UNC13C: variants seen among roughly 807,000 people sequenced by gnomAD.
The protein encoded by UNC13C is protein unc-13 homolog C.
UNC13C carries 174 observed loss-of-function variants against 245.4 expected under a neutral mutation model. The ratio of observed to expected loss-of-function variants is 0.71; its 90% CI spans 0.63 to 0.80. The LOEUF is 0.80. Ranked by LOEUF, UNC13C falls within the 30% of genes least tolerant of loss-of-function variation. The pLI, the probability that UNC13C is intolerant of heterozygous loss-of-function variation, is 0.00. For missense variants in UNC13C, 2,829 were observed against 2,602.9 expected (o/e 1.09, Z -1.89); for synonymous variants, 992 against 895.1 (o/e 1.11, Z -1.93).
chr15:54,318,265 G>T (rs1203989131), intron 13 of UNC13C, among the ~76,000 whole-genome samples: 1 of 151,846 alleles, frequency 6.6e-6, no homozygotes, highest in Non-Finnish European at 1.5e-5. Context: ...TGAATCATAT[G>T]ATTGTCCTAT....
intron 4 of UNC13C, among the ~76,000 whole-genome samples, chr15:54,198,856 A>G (rs1050111762): frequency 1.3e-5 from 2 of 152,148 alleles, no homozygotes; most frequent in Non-Finnish European, 2.9e-5. Context: ...ATCCAAATCA[A>G]GAAAAAAATC....
intron 17 of UNC13C, among the ~76,000 whole-genome samples, chr15:54,350,133 A>G (rs1304281043): frequency 6.6e-6 from 1 of 152,042 alleles, no homozygotes. Context: ...CTGGGACTAC[A>G]GGCGCCCGAC....
At chr15:54,526,832 A>T (rs534277199) in intron 25 of UNC13C, among the ~76,000 whole-genome samples, 4 of 152,090 alleles carry the variant, frequency 2.6e-5, no homozygotes, top group Admixed American at 6.5e-5. Context: ...TTTTAGAAAG[A>T]TCCACTATTA....
intron 2 of UNC13C, among the ~76,000 whole-genome samples, chr15:54,058,516 G>A (rs7175675): frequency 0.69 from 104,457 of 151,934 alleles, 36,260 homozygotes; most frequent in African/African-American, 0.77. Context: ...ACTCACAGCC[G>A]AATTCTACCA....
rs373443523 is a variant in UNC13C at position 54,519,396 on chromosome 15, CT to C, written c.5458-6144del. Among the ~76,000 whole-genome samples the C allele has an allele frequency of 7.1e-3, 1,073 of 151,590 alleles. 12 individuals carry two copies. Among genetic ancestry groups the C allele is most frequent in the African/African-American group, 0.025 (1,028 of 41,370 alleles). ...AGTGAATTATAAAAGGTAAGGCAAT[CT>C]TTTTTTTTCCTTCAGTTGTCTAGAC... On this transcript the variant is annotated intron_variant, in intron 24 of 32. Transcript: ENST00000260323.
At chr15:54,280,014 G>A (rs2036933983) in intron 10 of UNC13C, among the ~76,000 whole-genome samples, 1 of 152,078 alleles carries the variant, frequency 6.6e-6, no homozygotes, top group East Asian at 1.9e-4. Context: ...GCACATACGT[G>A]TTTCTGGATA....
At chr15:54,536,311 A>ATGAG (rs1895979367) in intron 26 of UNC13C, among the ~76,000 whole-genome samples, 2 of 152,052 alleles carry the variant, frequency 1.3e-5, no homozygotes, top group African/African-American at 2.4e-5. Flanking sequence ...CAGACCAATA[A>ATGAG]TGAGTTCTGA....
chr15:54,075,377 C>CG (rs1217410196), intron 2 of UNC13C, among the ~76,000 whole-genome samples: 1 of 151,570 alleles, frequency 6.6e-6, no homozygotes, highest in Non-Finnish European at 1.5e-5. Context: ...TCCAGCCACT[C>CG]GGGAGGCTGA....
At chr15:53,876,753 T>C in the UNC13C span, among the ~76,000 whole-genome samples, 14 of 152,216 alleles carry the variant, frequency 9.2e-5, no homozygotes, top group African/African-American at 3.1e-4. Flanking sequence ...ATTGTAGAAG[T>C]ATTTTATGGT....
the UNC13C span, among the ~76,000 whole-genome samples, chr15:53,926,571 A>G: frequency 1.3e-5 from 2 of 152,340 alleles, no homozygotes; most frequent in Non-Finnish European, 2.9e-5. Flanking sequence ...TATCAAAGAG[A>G]TAAGGATACA....
intron 2 of UNC13C, among the ~76,000 whole-genome samples, chr15:54,038,089 TATAC>T (rs1234026104): frequency 1.9e-5 from 2 of 105,674 alleles, no homozygotes; most frequent in Admixed American, 1.2e-4. Context: ...TGTGTGTGTA[TATAC>T]ATATACATAT....
chr15:53,897,611 C>G, the UNC13C span, among the ~76,000 whole-genome samples: 1 of 152,150 alleles, frequency 6.6e-6, no homozygotes, highest in Non-Finnish European at 1.5e-5. Context: ...TACATTACAA[C>G]TCAACTGAAT....
the UNC13C span, among the ~76,000 whole-genome samples, chr15:53,893,698 C>A: frequency 1.3e-5 from 2 of 151,818 alleles, no homozygotes; most frequent in East Asian, 3.9e-4. Flanking sequence ...ATGTCCCTCC[C>A]CCCACCAAGC....
At chr15:54,494,458 T>G (rs1893861620) in intron 19 of UNC13C, 150 bp from the exon 20 acceptor site, 2 of 651,360 alleles carry the variant, frequency 3.1e-6, no homozygotes, top group Admixed American at 8.2e-5. Context: ...TTTATAAAAT[T>G]TTAGGTCAGC....
At chr15:53,860,220 G>T in the UNC13C span, among the ~76,000 whole-genome samples, 1 of 151,748 alleles carries the variant, frequency 6.6e-6, no homozygotes. Context: ...AATTTATTGA[G>T]GTTAGATTCA....
At chr15:54,313,028 A>T (rs1386882683) in intron 13 of UNC13C, among the ~76,000 whole-genome samples, 3 of 151,692 alleles carry the variant, frequency 2.0e-5, no homozygotes, top group African/African-American at 7.3e-5. Flanking sequence ...GCTTAGAGGG[A>T]TTGAGTCAGG....
At chr15:53,940,565 ACT>A in the UNC13C span, among the ~76,000 whole-genome samples, 2 of 152,024 alleles carry the variant, frequency 1.3e-5, no homozygotes, top group Non-Finnish European at 1.5e-5. Context: ...TATCTAGAAA[ACT>A]CTACTGTCTC....
intron 2 of UNC13C, among the ~76,000 whole-genome samples, chr15:54,101,032 A>T (rs771531682): frequency 6.6e-6 from 1 of 152,178 alleles, no homozygotes; most frequent in African/African-American, 2.4e-5. Context: ...TCAATTTTTT[A>T]ATAATTTTTA....
rs79067995 is a variant in UNC13C, at chr15:54,255,751, G to A, written c.3448+5307G>A. Among the ~76,000 whole-genome samples the A allele has an allele frequency of 2.6e-3, 402 of 152,300 alleles. 2 individuals are homozygous for A. The highest frequency in any genetic ancestry group is 9.3e-3 in the African/African-American group (388 of 41,560). ...ACTTAGGTCCCTGGGCAGAGGCCCAGGCGTGGAGCCCTAGCCAGAGACCAA... is the reference window on the plus strand; with the variant it reads ...ACTTAGGTCCCTGGGCAGAGGCCCAAGCGTGGAGCCCTAGCCAGAGACCAA... On this transcript the variant is annotated intron_variant, in intron 8 of 32. Transcript: ENST00000260323.
Sources: gnomAD v4.1 joint callset for allele counts (sites outside exome capture counted in the v4.1 genomes callset) on GRCh38, gnomAD v4.1.1 for gene constraint, MANE v1.5 for transcripts, NCBI Gene and HGNC (gene_info 2026-07-23, HGNC 2026-07-21) for gene names.